KALRN: variants seen among roughly 807,000 people sequenced by gnomAD.
KALRN encodes the protein kalirin.
Under a neutral mutation model 353.7 loss-of-function variants are expected in KALRN, and 70 were observed. The ratio of observed to expected loss-of-function variants is 0.20; its 90% CI spans 0.16 to 0.24. The LOEUF is 0.24. Ranked by LOEUF, KALRN falls within the 10% of genes least tolerant of loss-of-function variation. KALRN has a pLI of 1.00. For missense variants in KALRN, 2,791 were observed against 3,756.7 expected (o/e 0.74, Z 6.72); for synonymous variants, 1,391 against 1,434.8 (o/e 0.97, Z 0.69).
intron 5 of KALRN, among the ~76,000 whole-genome samples, chr3:124,290,843 C>T (rs2076355065): frequency 6.6e-6 from 1 of 152,120 alleles, no homozygotes; most frequent in African/African-American, 2.4e-5. Flanking sequence ...CTGTCATCAT[C>T]ATTGATGTTA....
intron 9 of KALRN, among the ~76,000 whole-genome samples, chr3:124,342,601 T>G (rs2081874123): frequency 1.3e-5 from 2 of 152,226 alleles, no homozygotes; most frequent in East Asian, 1.9e-4. Context: ...TAAAATGGAT[T>G]TGGTATTCCG....
At chr3:124,542,103 C>G (rs930619174) in intron 33 of KALRN, among the ~76,000 whole-genome samples, 1 of 152,212 alleles carries the variant, frequency 6.6e-6, no homozygotes, top group Non-Finnish European at 1.5e-5. Context: ...CTGCCTCAGG[C>G]CTGCCTTGTC....
intron 7 of KALRN, among the ~76,000 whole-genome samples, chr3:124,326,550 G>A (rs9820396): frequency 0.14 from 21,199 of 152,094 alleles, 1,764 homozygotes; most frequent in East Asian, 0.22. Context: ...CTGAGAGCAG[G>A]GGAAACTAAT....
At chr3:124,164,077 G>A (rs1301223229) in intron 1 of KALRN, 1 of 661,442 alleles carries the variant, frequency 1.5e-6, no homozygotes, top group African/African-American at 2.0e-5. Context: ...CATCCAGATT[G>A]GACAGTGACC....
At chr3:124,154,949 A>G in intron 1 of KALRN, among the ~76,000 whole-genome samples, 1 of 152,240 alleles carries the variant, frequency 6.6e-6, no homozygotes, top group East Asian at 1.9e-4. Context: ...GTCAGAAATA[A>G]CGCCACATAT....
intron 33 of KALRN, among the ~76,000 whole-genome samples, chr3:124,517,058 C>T (rs1468040439): frequency 1.3e-5 from 2 of 152,230 alleles, no homozygotes; most frequent in South Asian, 2.1e-4. Flanking sequence ...TCTCGTGATC[C>T]GCCCTCCTCA....
chr3:124,043,757 A>C (rs1453075932), intron 1 of KALRN, among the ~76,000 whole-genome samples: 1 of 152,158 alleles, frequency 6.6e-6, no homozygotes, highest in Non-Finnish European at 1.5e-5. Context: ...GGAGATCTAA[A>C]GTTAGCAATC....
At chr3:124,546,588 A>G (rs2069695520) in intron 33 of KALRN, among the ~76,000 whole-genome samples, 1 of 152,178 alleles carries the variant, frequency 6.6e-6, no homozygotes, top group Admixed American at 6.5e-5. Context: ...TTAGGGAAAG[A>G]GAAGTACAAA....
At chr3:124,557,945 C>T (rs535862586) in intron 33 of KALRN, among the ~76,000 whole-genome samples, 14 of 152,166 alleles carry the variant, frequency 9.2e-5, no homozygotes, top group Middle Eastern at 3.4e-3. Flanking sequence ...GAAAGCAATG[C>T]GGAATGAAGA....
At chr3:124,421,541 T>A (rs2092783119) in intron 14 of KALRN, among the ~76,000 whole-genome samples, 1 of 152,234 alleles carries the variant, frequency 6.6e-6, no homozygotes, top group Admixed American at 6.5e-5. Context: ...TAAATTCATA[T>A]TTTACATATG....
intron 13 of KALRN, among the ~76,000 whole-genome samples, chr3:124,405,706 C>A (rs192633380): frequency 7.6e-6 from 1 of 131,474 alleles, no homozygotes; most frequent in East Asian, 2.6e-4. Context: ...TGCAATGACA[C>A]AATCTTGGCT....
At chr3:124,453,997 C>G (rs1395712566) in intron 21 of KALRN, among the ~76,000 whole-genome samples, 1 of 152,170 alleles carries the variant, frequency 6.6e-6, no homozygotes, top group Non-Finnish European at 1.5e-5. Context: ...AACTATAGCT[C>G]TTTACACAGT....
intron 13 of KALRN, among the ~76,000 whole-genome samples, chr3:124,411,078 A>G (rs2092109895): frequency 6.6e-6 from 1 of 152,210 alleles, no homozygotes; most frequent in South Asian, 2.1e-4. Context: ...AACATGTTGA[A>G]CAAAAGCCAG....
At chr3:124,481,599 A>G (rs540994257) in intron 27 of KALRN, among the ~76,000 whole-genome samples, 46 of 152,280 alleles carry the variant, frequency 3.0e-4, no homozygotes, top group African/African-American at 1.1e-3. Flanking sequence ...TCAATGACCC[A>G]ACCTTGCATA....
chr3:124,574,622 TAGAG>T (rs1411608334), intron 34 of KALRN, among the ~76,000 whole-genome samples: 3 of 152,102 alleles, frequency 2.0e-5, no homozygotes, highest in Non-Finnish European at 2.9e-5. Flanking sequence ...CTGGAGATGA[TAGAG>T]AGGAGGTTAC....
chr3:124,499,800 G>A (rs1225283784), intron 33 of KALRN, among the ~76,000 whole-genome samples: 1 of 152,136 alleles, frequency 6.6e-6, no homozygotes, highest in East Asian at 1.9e-4. Context: ...TTTACCAGTG[G>A]CAGCCCTTAA....
chr3:124,438,364 A>G (rs1380978331), intron 17 of KALRN, among the ~76,000 whole-genome samples: 2 of 152,158 alleles, frequency 1.3e-5, no homozygotes, highest in Non-Finnish European at 2.9e-5. Context: ...GTCATGTCCT[A>G]TGGTGGGATT....
At chr3:124,333,217 G>T (rs995835139) in intron 8 of KALRN, among the ~76,000 whole-genome samples, 1 of 152,160 alleles carries the variant, frequency 6.6e-6, no homozygotes, top group Non-Finnish European at 1.5e-5. Flanking sequence ...CACAACACGT[G>T]GTGATTATGG....
intron 49 of KALRN, chr3:124,675,228 T>A (rs1331246630): frequency 1.3e-5 from 2 of 152,152 alleles, no homozygotes; most frequent in African/African-American, 2.4e-5. Flanking sequence ...TTTTCCTTAT[T>A]TTGGTTGCAA....
Sources: allele counts gnomAD v4.1 joint callset (sites outside exome capture counted in the v4.1 genomes callset), GRCh38; gene constraint gnomAD v4.1.1; transcripts MANE v1.5; gene names NCBI Gene and HGNC (gene_info 2026-07-23, HGNC 2026-07-21).